The following ATXN10 variants were observed in gnomAD, a reference collection of about 807,000 sequenced individuals.
ATXN10 encodes ataxin-10.
Under a neutral mutation model 52.9 loss-of-function variants are expected in ATXN10, and 28 were observed. The ratio of observed to expected loss-of-function variants is 0.53; its 90% CI spans 0.39 to 0.73. The LOEUF (loss-of-function observed/expected upper bound fraction) is 0.73. Ranked by LOEUF, ATXN10 falls within the 30% of genes least tolerant of loss-of-function variation. The pLI is 0.00. For missense variants in ATXN10, 565 were observed against 577.0 expected, an observed-to-expected ratio of 0.98 and a Z score of 0.21; for synonymous variants, 226 against 221.5, an observed-to-expected ratio of 1.02 and a Z score of -0.18.
At chr22:45,702,293 T>C (rs1216370683) in intron 4 of ATXN10, among the ~76,000 whole-genome samples, 1 of 152,182 alleles carries the variant, frequency 6.6e-6, no homozygotes, top group Non-Finnish European at 1.5e-5. Flanking sequence ...ATACCATCTC[T>C]CCTGTAGGCA....
rs919276335 is a variant in ATXN10 at position 45,712,471 on chromosome 22, T to C, written c.648-5942T>C. Among the ~76,000 whole-genome samples the C allele has an allele frequency of 6.6e-6, 1 of 152,244 alleles. No homozygotes were observed. The highest frequency in any genetic ancestry group is 2.4e-5 in the African/African-American group (1 of 41,464). Reference sequence around the variant, plus strand: ...AAACAGGAGAAGCAGAATACCTTGATACTGAAGGGTAGACAGCGTAGCCAG... The same window carrying C: ...AAACAGGAGAAGCAGAATACCTTGACACTGAAGGGTAGACAGCGTAGCCAG... On this transcript the variant is annotated intron_variant, in intron 5 of 11. Transcript: ENST00000252934. This position sits in a 1 kb window ranked among gnomAD's most constrained non-coding sequence, Gnocchi z 4.6.
chr22:45,765,539 C>T (rs941754418), intron 9 of ATXN10, among the ~76,000 whole-genome samples: 2 of 152,116 alleles, frequency 1.3e-5, no homozygotes, highest in African/African-American at 4.8e-5. Flanking sequence ...TGGATTTGCT[C>T]CCCTCCTCCA....
intron 9 of ATXN10, among the ~76,000 whole-genome samples, chr22:45,747,653 G>C (rs1433343657): frequency 6.6e-6 from 1 of 152,184 alleles, no homozygotes; most frequent in Non-Finnish European, 1.5e-5. Context: ...TTAGAGTTCA[G>C]TAAACTCAGA....
At chr22:45,707,673 A>C (rs1469430601) in intron 5 of ATXN10, among the ~76,000 whole-genome samples, 1 of 150,318 alleles carries the variant, frequency 6.7e-6, no homozygotes, top group African/African-American at 2.4e-5. Context: ...ATAATATATA[A>C]ATAGCTCAAG....
intron 10 of ATXN10, among the ~76,000 whole-genome samples, chr22:45,807,427 T>C (rs1288693721): frequency 5.3e-5 from 8 of 152,182 alleles, no homozygotes; most frequent in African/African-American, 1.7e-4. Context: ...GGAAGTACTG[T>C]TTTAACAAGG....
In ATXN10 at chr22:45,681,342, C is replaced by T. The variant is rs1015451463; in HGVS notation, c.117-8370C>T. ...CTTTATCCATAACTGTAGCTGCCTTCCCCCACAATCTCGAGTCCCAATCCC... is the reference window on the plus strand; with the variant it reads ...CTTTATCCATAACTGTAGCTGCCTTTCCCCACAATCTCGAGTCCCAATCCC... On this transcript the variant is annotated intron_variant, in intron 1 of 11. Coordinates refer to ENST00000252934, the MANE Select transcript of ATXN10 (RefSeq NM_013236.4). The surrounding 1 kb of genome is among the most constrained non-coding windows in gnomAD (Gnocchi z 4.2). 1.1e-4 allele frequency among the ~76,000 whole-genome samples: 16 copies of T among 152,152 alleles called. No individual in the cohort carries two copies. The highest frequency in any genetic ancestry group is 1.0e-3 in the Admixed American group (16 of 15,278).
At chr22:45,832,759 G>A (rs909963315) in intron 10 of ATXN10, among the ~76,000 whole-genome samples, 1 of 152,208 alleles carries the variant, frequency 6.6e-6, no homozygotes, top group Non-Finnish European at 1.5e-5. Context: ...ATATCAAGAG[G>A]TGTGTTGTTC....
Position 45,826,035 on chromosome 22 carries a change from C to T in ATXN10, c.1238-16956C>T, listed in dbSNP as rs1928804147. Reference sequence around the variant, plus strand: ...TGAGATTGTGCCACTGTGCTGTAGCCTGGGGAACAGAGCCAGGCCCTGTCT... The same window carrying T: ...TGAGATTGTGCCACTGTGCTGTAGCTTGGGGAACAGAGCCAGGCCCTGTCT... On this transcript the variant is annotated intron_variant, in intron 10 of 11. Coordinates refer to ENST00000252934, the MANE Select transcript of ATXN10 (RefSeq NM_013236.4). This position sits in a 1 kb window ranked among gnomAD's most constrained non-coding sequence, Gnocchi z 5.0. Among the ~76,000 whole-genome samples, 1 of 152,078 alleles carries T rather than the reference C, an allele frequency of 6.6e-6. No homozygotes were observed. Among genetic ancestry groups the T allele is most frequent in the Non-Finnish European group, 1.5e-5 (1 of 68,034 alleles).
chr22:45,742,936 A>T (rs1300129480), intron 9 of ATXN10, among the ~76,000 whole-genome samples: 1 of 152,250 alleles, frequency 6.6e-6, no homozygotes, highest in East Asian at 1.9e-4. Flanking sequence ...TTGAGCACAA[A>T]AGAGGTGGTT....
intron 6 of ATXN10, among the ~76,000 whole-genome samples, chr22:45,720,471 G>A (rs944047291): frequency 1.3e-5 from 2 of 152,050 alleles, no homozygotes; most frequent in Admixed American, 1.3e-4. Flanking sequence ...CCAGTTGCTG[G>A]GAGTACGGGT....
chr22:45,771,453 G>C (rs1490378156), intron 9 of ATXN10, among the ~76,000 whole-genome samples: 1 of 130,368 alleles, frequency 7.7e-6, no homozygotes, highest in East Asian at 2.3e-4. Flanking sequence ...GTCTTGCTCT[G>C]TTGCCCAGGC....
intron 6 of ATXN10, among the ~76,000 whole-genome samples, chr22:45,719,858 G>A (rs765537026): frequency 1.3e-5 from 2 of 152,084 alleles, no homozygotes; most frequent in Admixed American, 1.3e-4. Flanking sequence ...TCATCGTGTT[G>A]TGTCACATAC....
intron 9 of ATXN10, among the ~76,000 whole-genome samples, chr22:45,771,343 T>G (rs1926769759): frequency 6.6e-6 from 1 of 152,148 alleles, no homozygotes; most frequent in African/African-American, 2.4e-5. Flanking sequence ...TTTGTTGTAG[T>G]TTTTATTGCC....
intron 1 of ATXN10, among the ~76,000 whole-genome samples, chr22:45,682,499 A>G (rs1247496460): frequency 2.3e-5 from 3 of 128,812 alleles, no homozygotes; most frequent in Admixed American, 7.7e-5. Flanking sequence ...TTGTAGAGAC[A>G]GGGTCTTACC....
Position 45,816,627 on chromosome 22 carries a change from A to G in ATXN10, c.1237+9605A>G, listed in dbSNP as rs1283047060. 6.6e-6 allele frequency among the ~76,000 whole-genome samples: 1 copy of G among 152,206 alleles called. No homozygotes were observed. Among genetic ancestry groups the G allele is most frequent in the African/African-American group, 2.4e-5 (1 of 41,450 alleles). The stretch of plus-strand genomic sequence containing the variant: ...TCCCAACATTGGACCCTGTGAACCC[A>G]GGGGACTGTTTCCAAAATGTGCTCC... On this transcript the variant is annotated intron_variant, in intron 10 of 11. Coordinates refer to ENST00000252934, the MANE Select transcript of ATXN10 (RefSeq NM_013236.4). The surrounding 1 kb of genome is among the most constrained non-coding windows in gnomAD (Gnocchi z 5.8).
At chr22:45,798,886 T>G (rs1436174846) in intron 9 of ATXN10, among the ~76,000 whole-genome samples, 1 of 152,218 alleles carries the variant, frequency 6.6e-6, no homozygotes, top group African/African-American at 2.4e-5. Flanking sequence ...AATAGCATCA[T>G]AAAACATGAA....
chr22:45,776,082 GTT>G (rs1431656526), intron 9 of ATXN10, among the ~76,000 whole-genome samples: 2 of 152,162 alleles, frequency 1.3e-5, no homozygotes, highest in African/African-American at 4.8e-5. Context: ...CTGAACTTTA[GTT>G]TTCATGTCCT....
At chr22:45,717,059 G>A (rs1016871347) in intron 5 of ATXN10, among the ~76,000 whole-genome samples, 4 of 152,038 alleles carry the variant, frequency 2.6e-5, no homozygotes, top group Non-Finnish European at 5.9e-5. Context: ...CCTTCTTGCT[G>A]TTTTTCTAAG....
At chr22:45,731,668 A>G (rs931615243) in intron 7 of ATXN10, among the ~76,000 whole-genome samples, 3 of 152,182 alleles carry the variant, frequency 2.0e-5, no homozygotes, top group Non-Finnish European at 4.4e-5. Flanking sequence ...GTGATCCGAT[A>G]CTGTGAAACT....
Sources: gnomAD v4.1 joint callset for allele counts (sites outside exome capture counted in the v4.1 genomes callset) on GRCh38, gnomAD v4.1.1 for gene constraint, Gnocchi (gnomAD v3.1) non-coding constraint, MANE v1.5 for transcripts, NCBI Gene and HGNC (gene_info 2026-07-23, HGNC 2026-07-21) for gene names.